Variants in MSRA observed in about 807,000 individuals in gnomAD.
MSRA encodes mitochondrial peptide methionine sulfoxide reductase.
MSRA carries 54 observed loss-of-function variants against 31.3 expected under a neutral mutation model. The ratio of observed to expected loss-of-function variants is 1.73; its 90% CI spans 1.39 to 2.17. The LOEUF (loss-of-function observed/expected upper bound fraction) is 2.17. Among genes scored for constraint, MSRA ranks in the 30% most tolerant of loss-of-function variants. MSRA has a pLI of 0.00. For missense variants in MSRA, 507 were observed against 300.9 expected (o/e 1.69, Z -5.07); for synonymous variants, 169 against 116.5 (o/e 1.45, Z -2.90).
chr8:10,072,738 C>T (rs1797801237), intron 1 of MSRA, among the ~76,000 whole-genome samples: 1 of 152,224 alleles, frequency 6.6e-6, no homozygotes, highest in East Asian at 1.9e-4. Flanking sequence ...CACAGCATGT[C>T]TTTCCATTTA....
intron 5 of MSRA, among the ~76,000 whole-genome samples, chr8:10,374,664 C>T (rs1046402815): frequency 2.0e-5 from 3 of 152,176 alleles, no homozygotes; most frequent in African/African-American, 7.2e-5. Flanking sequence ...GACAGTTTAG[C>T]GTGCATTTCC....
chr8:10,260,163 G>T (rs1248314781), intron 3 of MSRA, among the ~76,000 whole-genome samples: 1 of 152,216 alleles, frequency 6.6e-6, no homozygotes, highest in Non-Finnish European at 1.5e-5. Flanking sequence ...GAAATGAGCG[G>T]CTGTGTGTGG....
At chr8:10,350,382 C>T (rs1394335443) in intron 5 of MSRA, among the ~76,000 whole-genome samples, 5 of 152,210 alleles carry the variant, frequency 3.3e-5, no homozygotes, top group Non-Finnish European at 5.9e-5. Flanking sequence ...GACTGGACAG[C>T]GCCGGCCGGA....
At chr8:10,389,869 A>G (rs1806628691) in intron 5 of MSRA, among the ~76,000 whole-genome samples, 1 of 150,870 alleles carries the variant, frequency 6.6e-6, no homozygotes, top group Non-Finnish European at 1.5e-5. Flanking sequence ...CTGTTGCCTG[A>G]AATGCAAGGT....
intron 5 of MSRA, among the ~76,000 whole-genome samples, chr8:10,426,798 A>T (rs1307532039): frequency 6.6e-6 from 1 of 152,232 alleles, no homozygotes; most frequent in Non-Finnish European, 1.5e-5. Flanking sequence ...TGCACAGATC[A>T]TGGCATATGG....
intron 3 of MSRA, among the ~76,000 whole-genome samples, chr8:10,285,477 A>G (rs1413880916): frequency 6.6e-6 from 1 of 152,158 alleles, no homozygotes; most frequent in Non-Finnish European, 1.5e-5. Context: ...TCAGACGTTT[A>G]TCATTTCTTT....
intron 1 of MSRA, among the ~76,000 whole-genome samples, chr8:10,192,498 T>A (rs971533332): frequency 6.6e-6 from 1 of 152,204 alleles, no homozygotes; most frequent in Admixed American, 6.5e-5. Context: ...ACCACTTAAC[T>A]TAAAGTGTAC....
At chr8:10,152,590 C>G (rs1027747679) in intron 1 of MSRA, among the ~76,000 whole-genome samples, 1 of 152,144 alleles carries the variant, frequency 6.6e-6, no homozygotes, top group African/African-American at 2.4e-5. Flanking sequence ...AAATATTTCT[C>G]TTCATTGTTT....
chr8:10,255,960 G>T (rs1297503189), intron 3 of MSRA, among the ~76,000 whole-genome samples: 3 of 152,068 alleles, frequency 2.0e-5, no homozygotes, highest in East Asian at 3.9e-4. Context: ...CCTGAGTGGT[G>T]CATTTGTTAC....
chr8:10,086,199 AT>A (rs1798550956), intron 1 of MSRA, among the ~76,000 whole-genome samples: 1 of 152,200 alleles, frequency 6.6e-6, no homozygotes, highest in African/African-American at 2.4e-5. Flanking sequence ...AACACTTGAT[AT>A]TGTCTGTCTT....
At chr8:10,303,300 G>T (rs1055234982) in intron 4 of MSRA, among the ~76,000 whole-genome samples, 1 of 152,072 alleles carries the variant, frequency 6.6e-6, no homozygotes, top group Non-Finnish European at 1.5e-5. Flanking sequence ...TCTCCATACC[G>T]CTCTTAAATG....
chr8:10,326,299 C>A (rs902155107), intron 5 of MSRA, among the ~76,000 whole-genome samples: 5 of 152,168 alleles, frequency 3.3e-5, no homozygotes, highest in African/African-American at 1.2e-4. Context: ...ATCACAGGGA[C>A]CAATTGTTGA....
At chr8:10,117,814 A>G (rs1800793736) in intron 1 of MSRA, among the ~76,000 whole-genome samples, 1 of 152,182 alleles carries the variant, frequency 6.6e-6, no homozygotes, top group African/African-American at 2.4e-5. Flanking sequence ...TGTCAGAGAA[A>G]CCCTAAATTT....
chr8:10,333,677 A>T (rs1330635246), intron 5 of MSRA, among the ~76,000 whole-genome samples: 6 of 152,118 alleles, frequency 3.9e-5, no homozygotes, highest in Non-Finnish European at 8.8e-5. Context: ...GCAATGCCAG[A>T]TGCTTCTTTT....
intron 3 of MSRA, among the ~76,000 whole-genome samples, chr8:10,280,091 T>A (rs1799538833): frequency 6.6e-6 from 1 of 152,230 alleles, no homozygotes; most frequent in Non-Finnish European, 1.5e-5. Flanking sequence ...TAAGAAATTT[T>A]TGACGTGAAG....
At chr8:10,183,900 GGTA>G (rs1297801452) in intron 1 of MSRA, among the ~76,000 whole-genome samples, 2 of 151,592 alleles carry the variant, frequency 1.3e-5, no homozygotes, top group African/African-American at 4.9e-5. Context: ...TGTTGGTGGT[GGTA>G]GTGGTGGTGA....
chr8:10,142,351 A>T (rs1444082634), intron 1 of MSRA, among the ~76,000 whole-genome samples: 1 of 151,956 alleles, frequency 6.6e-6, no homozygotes, highest in Admixed American at 6.5e-5. Context: ...GGAAACCAAG[A>T]CCCAGAGGAC....
At chr8:10,144,783 C>G (rs1802999626) in intron 1 of MSRA, among the ~76,000 whole-genome samples, 1 of 152,104 alleles carries the variant, frequency 6.6e-6, no homozygotes, top group Non-Finnish European at 1.5e-5. Context: ...ACAATTGCGG[C>G]TCACAGCTGG....
At chr8:10,264,588 G>T (rs539287010) in intron 3 of MSRA, among the ~76,000 whole-genome samples, 5 of 152,260 alleles carry the variant, frequency 3.3e-5, no homozygotes, top group South Asian at 4.2e-4. Context: ...GCTGGCTGTC[G>T]GGAAGGGCTG....
Sources: gnomAD v4.1 joint callset for allele counts (sites outside exome capture counted in the v4.1 genomes callset) on GRCh38, gnomAD v4.1.1 for gene constraint, MANE v1.5 for transcripts, NCBI Gene and HGNC (gene_info 2026-07-23, HGNC 2026-07-21) for gene names.